Variants in TMTC2 observed in about 807,000 individuals in gnomAD.
TMTC2 encodes the protein protein O-mannosyl-transferase TMTC2.
In TMTC2, 43 loss-of-function variants were observed where a neutral mutation model predicts 82.4. That is an observed-to-expected ratio of 0.52 (90% confidence interval 0.41 to 0.67). The LOEUF is 0.67. TMTC2 is among the 30% of genes least tolerant of loss of function. The pLI is 0.00. For synonymous variants in TMTC2, 408 were observed against 381.9 expected, an observed-to-expected ratio of 1.07 and a Z score of -0.80; for missense variants, 919 against 1,012.4, an observed-to-expected ratio of 0.91 and a Z score of 1.25.
chr12:82,908,146 C>G (rs894506253), intron 3 of TMTC2, among the ~76,000 whole-genome samples: 3 of 151,962 alleles, frequency 2.0e-5, no homozygotes, highest in African/African-American at 7.3e-5. Flanking sequence ...CATTTCTTTA[C>G]TTTTATTAAA....
At chr12:83,059,258 A>C (rs1882653224) in intron 10 of TMTC2, among the ~76,000 whole-genome samples, 1 of 151,792 alleles carries the variant, frequency 6.6e-6, no homozygotes, top group Admixed American at 6.6e-5. Context: ...TCATCCCTAC[A>C]GTTAAGATTT....
intron 1 of TMTC2, among the ~76,000 whole-genome samples, chr12:82,810,455 T>G (rs1879439820): frequency 6.6e-6 from 1 of 151,362 alleles, no homozygotes; most frequent in Non-Finnish European, 1.5e-5. Flanking sequence ...ATAATTTTAT[T>G]ATTTTTAACA....
At chr12:82,783,129 AG>A (rs1462868793) in intron 1 of TMTC2, among the ~76,000 whole-genome samples, 4 of 152,104 alleles carry the variant, frequency 2.6e-5, no homozygotes, top group African/African-American at 4.8e-5. Context: ...CTGGACTTTG[AG>A]GGAAATTAAT....
intron 1 of TMTC2, among the ~76,000 whole-genome samples, chr12:82,745,409 T>A (rs998693993): frequency 3.9e-5 from 6 of 152,230 alleles, no homozygotes; most frequent in Non-Finnish European, 8.8e-5. Flanking sequence ...TAGTGATCTC[T>A]TTAGTGGTAT....
intron 1 of TMTC2, among the ~76,000 whole-genome samples, chr12:82,769,697 A>C (rs1009443932): frequency 2.0e-5 from 3 of 151,734 alleles, no homozygotes; most frequent in Non-Finnish European, 2.9e-5. Context: ...TGTAGCCTCC[A>C]CCTCCCGGGT....
Position 82,953,855 on chromosome 12 carries a change from C to G in TMTC2, c.1599-11169C>G, listed in dbSNP as rs144766813. ...TTATCTCTGAGAAAAAAAAAAAACC[C>G]TTAGTTTCATAGTCCTTATGTGTGT... On this transcript the variant is annotated intron_variant, in intron 4 of 11. Transcript: ENST00000321196. 1.5e-4 allele frequency among the ~76,000 whole-genome samples: 23 copies of G among 150,160 alleles called. 1 individual carries two copies. Among genetic ancestry groups the G allele is most frequent in the South Asian group, 8.4e-4 (4 of 4,774 alleles).
chr12:83,032,647 C>T (rs1881488065), intron 9 of TMTC2, among the ~76,000 whole-genome samples: 1 of 152,036 alleles, frequency 6.6e-6, no homozygotes, highest in Admixed American at 6.5e-5. Context: ...TAGGTTCAAG[C>T]GATTGTCCTG....
intron 3 of TMTC2, among the ~76,000 whole-genome samples, chr12:82,920,693 A>G (rs560221928): frequency 5.9e-5 from 9 of 152,278 alleles, no homozygotes; most frequent in East Asian, 5.8e-4. Flanking sequence ...TCCACAGATC[A>G]TATTTTCTAG....
rs1022730456 is a variant in TMTC2, at chr12:82,964,967, G to T, written c.1599-57G>T. On this transcript the variant is annotated intron_variant, in intron 4 of 11. Coordinates refer to ENST00000321196, the MANE Select transcript of TMTC2 (RefSeq NM_152588.3). Reference sequence around the variant, plus strand: ...TTTTTGGAATATAAAATAAAAATTTGTGGTTTTATATATAATAATACAGTC... The same window carrying T: ...TTTTTGGAATATAAAATAAAAATTTTTGGTTTTATATATAATAATACAGTC... The T allele has an allele frequency of 2.2e-5, 26 of 1,179,346 alleles. No homozygotes were observed. The Admixed American group carries it at 4.6e-4, about 21-fold the overall frequency. 73.1% of individuals were successfully genotyped at this position (1,179,346 alleles called of 1,614,324 possible).
At chr12:82,775,354 G>A (rs1338298897) in intron 1 of TMTC2, among the ~76,000 whole-genome samples, 1 of 151,964 alleles carries the variant, frequency 6.6e-6, no homozygotes, top group Non-Finnish European at 1.5e-5. Flanking sequence ...GGAGGCTAAG[G>A]TGGGAGGATT....
At chr12:82,920,586 G>A (rs1389094109) in intron 3 of TMTC2, among the ~76,000 whole-genome samples, 5 of 152,138 alleles carry the variant, frequency 3.3e-5, no homozygotes, top group Admixed American at 6.6e-5. Context: ...TAATATCAAT[G>A]TGAAGGGCCC....
intron 2 of TMTC2, among the ~76,000 whole-genome samples, chr12:82,869,774 G>A (rs1193598779): frequency 1.3e-5 from 2 of 151,858 alleles, no homozygotes; most frequent in African/African-American, 2.4e-5. Flanking sequence ...AGGAAGTGGA[G>A]GCCGCAGTGA....
intron 7 of TMTC2, among the ~76,000 whole-genome samples, chr12:82,976,415 A>G (rs922522879): frequency 2.0e-5 from 3 of 151,964 alleles, no homozygotes; most frequent in Non-Finnish European, 4.4e-5. Flanking sequence ...TGAAACACAT[A>G]TTTTTTTCCA....
At chr12:82,692,209 C>T (rs1872607488) in intron 1 of TMTC2, among the ~76,000 whole-genome samples, 1 of 152,162 alleles carries the variant, frequency 6.6e-6, no homozygotes, top group African/African-American at 2.4e-5. Context: ...TGTTTTCATA[C>T]ACACATACAC....
At chr12:83,034,622 G>A (rs1881588717) in intron 9 of TMTC2, among the ~76,000 whole-genome samples, 2 of 152,230 alleles carry the variant, frequency 1.3e-5, no homozygotes, top group African/African-American at 4.8e-5. Flanking sequence ...TTTGGACTTG[G>A]AAGTAGTTGT....
At position 82,738,784 on chromosome 12, in the gene TMTC2, T is replaced by C. The variant is rs375201919; in HGVS notation, c.83+51115T>C. 6.0e-4 allele frequency among the ~76,000 whole-genome samples: 91 copies of C among 152,336 alleles called. 4 individuals are homozygous for C. The highest frequency in any genetic ancestry group is 2.1e-3 in the African/African-American group (88 of 41,582). On this transcript the variant is annotated intron_variant, in intron 1 of 11. Transcript: ENST00000321196. ...TTATTAGTTATTTTAATGTCAACCA[T>C]AGTCATTTTTATCAGTGATGAAAAA...
intron 8 of TMTC2, among the ~76,000 whole-genome samples, chr12:83,009,370 A>G (rs1880350402): frequency 6.6e-6 from 1 of 152,068 alleles, no homozygotes; most frequent in Admixed American, 6.5e-5. Context: ...TTCTCCTGAT[A>G]GTCTACCCTC....
chr12:82,835,585 A>G (rs565227171), intron 1 of TMTC2, among the ~76,000 whole-genome samples: 3 of 152,278 alleles, frequency 2.0e-5, no homozygotes, highest in African/African-American at 7.2e-5. Flanking sequence ...CTGTTAACCT[A>G]ATCATTCCTC....
intron 1 of TMTC2, among the ~76,000 whole-genome samples, 158 bp downstream of exon 1, chr12:82,687,827 C>T (rs1740906605): frequency 6.6e-6 from 1 of 152,058 alleles, no homozygotes; most frequent in African/African-American, 2.4e-5. Context: ...AATCAAACAC[C>T]GGGGACGTGA....
Sources: allele counts gnomAD v4.1 joint callset (sites outside exome capture counted in the v4.1 genomes callset), GRCh38; gene constraint gnomAD v4.1.1; transcripts MANE v1.5; gene names NCBI Gene and HGNC (gene_info 2026-07-23, HGNC 2026-07-21).